The following SH2D4B variants were observed in gnomAD, a reference collection of about 807,000 sequenced individuals.
SH2D4B encodes the protein SH2 domain-containing protein 4B.
In SH2D4B, 45 loss-of-function variants were observed where a neutral mutation model predicts 61.5. The ratio of observed to expected loss-of-function variants is 0.73; its 90% CI spans 0.58 to 0.94. SH2D4B has a LOEUF of 0.94. Among genes scored for constraint, SH2D4B ranks in the 40% least tolerant of loss-of-function variants. The pLI is 0.00. For missense variants in SH2D4B, 572 were observed against 574.2 expected (o/e 1.00, Z 0.04); for synonymous variants, 224 against 220.4 (o/e 1.02, Z -0.14).
chr10:80,615,583 AG>A (rs11314146), intron 6 of SH2D4B, among the ~76,000 whole-genome samples: 3,557 of 152,264 alleles, frequency 0.023, 113 homozygotes, highest in African/African-American at 0.082. Context: ...ACCCAGCTTG[AG>A]GGAAAATCTG....
chr10:80,566,181 C>T (rs1355934159), intron 1 of SH2D4B, among the ~76,000 whole-genome samples: 2 of 151,336 alleles, frequency 1.3e-5, no homozygotes, highest in East Asian at 1.9e-4. Flanking sequence ...GAAGAAGAGC[C>T]CTTTACATGG....
Position 80,600,103 on chromosome 10 carries a change from G to A in SH2D4B, c.644-3476G>A, listed in dbSNP as rs530663481. ...TGTACTGTCCCATTTACATCTCAGAGCAACCCAGTCAGGCCCCCACTTTAT... is the reference window on the plus strand; with the variant it reads ...TGTACTGTCCCATTTACATCTCAGAACAACCCAGTCAGGCCCCCACTTTAT... On this transcript the variant is annotated intron_variant, in intron 4 of 7. Transcript: ENST00000646907. Among the ~76,000 whole-genome samples the A allele has an allele frequency of 2.6e-4, 40 of 152,270 alleles. 1 individual carries two copies. In the Middle Eastern group the frequency reaches 0.01, roughly 39 times the overall value.
intron 7 of SH2D4B, among the ~76,000 whole-genome samples, chr10:80,635,143 G>A (rs1842882136): frequency 6.6e-6 from 1 of 152,210 alleles, no homozygotes; most frequent in African/African-American, 2.4e-5. Context: ...ACTGTGAAGT[G>A]CTTATGGAAA....
At chr10:80,641,733 C>G (rs750161372) in intron 7 of SH2D4B, among the ~76,000 whole-genome samples, 4 of 152,230 alleles carry the variant, frequency 2.6e-5, no homozygotes, top group African/African-American at 9.6e-5. Context: ...TCACTCAGGA[C>G]AGATTCCAGA....
chr10:80,566,020 G>T (rs563525880), intron 1 of SH2D4B, among the ~76,000 whole-genome samples: 1 of 149,642 alleles, frequency 6.7e-6, no homozygotes, highest in Admixed American at 6.7e-5. Flanking sequence ...GAACCCAGGA[G>T]GCGGAGCTTG....
In SH2D4B at chr10:80,564,950, C is replaced by A. The variant is rs201223579; in HGVS notation, c.185-5204C>A. Among the ~76,000 whole-genome samples, 7 of 152,280 alleles carry A rather than the reference C, an allele frequency of 4.6e-5. No individual in the cohort carries two copies. The East Asian group carries it at 1.3e-3, about 29-fold the overall frequency. On this transcript the variant is annotated intron_variant, in intron 1 of 7. Transcript: ENST00000646907. ...GAATCACAGCAGATACAGAGAGACT[C>A]CAGGGATGCCTCATGGTCAGAACAA...
At chr10:80,554,457 T>C (rs762145985) in intron 1 of SH2D4B, among the ~76,000 whole-genome samples, 1 of 151,874 alleles carries the variant, frequency 6.6e-6, no homozygotes, top group African/African-American at 2.4e-5. Context: ...TGTGTGTGTG[T>C]GCTTACATAA....
intron 1 of SH2D4B, among the ~76,000 whole-genome samples, chr10:80,567,958 A>C (rs771482692): frequency 2.0e-5 from 3 of 152,180 alleles, no homozygotes; most frequent in Non-Finnish European, 2.9e-5. Flanking sequence ...CAGTAACAAC[A>C]TCTAAAATTC....
intron 7 of SH2D4B, among the ~76,000 whole-genome samples, chr10:80,640,586 T>C (rs956840070): frequency 3.3e-5 from 5 of 152,232 alleles, no homozygotes; most frequent in African/African-American, 9.6e-5. Flanking sequence ...AAATTGGCTA[T>C]TGAAGCTTGT....
intron 1 of SH2D4B, among the ~76,000 whole-genome samples, chr10:80,550,000 T>C (rs961015991): frequency 7.9e-5 from 12 of 151,700 alleles, no homozygotes; most frequent in African/African-American, 2.9e-4. Flanking sequence ...AATAATTAAT[T>C]GTCAGCTTTG....
At chr10:80,565,774 C>A (rs1210857660) in intron 1 of SH2D4B, among the ~76,000 whole-genome samples, 1 of 152,034 alleles carries the variant, frequency 6.6e-6, no homozygotes. Flanking sequence ...TCATTCCTGG[C>A]AGGAAGAAGA....
chr10:80,547,530 A>T (rs1347705437), intron 1 of SH2D4B, among the ~76,000 whole-genome samples: 1 of 152,100 alleles, frequency 6.6e-6, no homozygotes, highest in Non-Finnish European at 1.5e-5. Context: ...CCTTTCCTGG[A>T]CACTGGGGAC....
At chr10:80,562,747 G>A (rs1437041842) in intron 1 of SH2D4B, among the ~76,000 whole-genome samples, 2 of 152,032 alleles carry the variant, frequency 1.3e-5, no homozygotes, top group Non-Finnish European at 2.9e-5. Context: ...CACCAACAGC[G>A]TAAAAGGCTC....
rs906602932 is a variant in SH2D4B, at chr10:80,538,352, C to T, written c.21C>T (p.His7=). 4.1e-5 allele frequency: 56 copies of T among 1,370,866 alleles called. 1 individual carries two copies. The highest frequency in any genetic ancestry group is 9.0e-5 in the African/African-American group (6 of 66,886). 84.9% of individuals were successfully genotyped at this position (1,370,866 alleles called of 1,614,324 possible). A position where few individuals can be genotyped will look rare whatever the true frequency, so the allele number is the denominator to read the frequency against. Residue 7 remains histidine (H), a synonymous_variant, in exon 1 of 8, where the codon CAC becomes CAT. Transcript: ENST00000646907. This position sits in a 1 kb window ranked among gnomAD's most constrained non-coding sequence, Gnocchi z 4.8. MLQQIL[H]DMYIDPELLA... ...GCATCATGCTGCAGCAGATCCTGCA[C>T]GACATGTACATCGACCCCGAGCTCC...
chr10:80,599,434 G>A (rs1054942107), intron 4 of SH2D4B, among the ~76,000 whole-genome samples: 1 of 152,214 alleles, frequency 6.6e-6, no homozygotes, highest in African/African-American at 2.4e-5. Context: ...GAGCTCCCAT[G>A]TGGCCGATTA....
chr10:80,639,875 C>T (rs930084333), intron 7 of SH2D4B, among the ~76,000 whole-genome samples: 12 of 152,158 alleles, frequency 7.9e-5, no homozygotes, highest in Non-Finnish European at 1.3e-4. Context: ...GCAGTTTCTT[C>T]GTAGCATCGA....
Position 80,603,662 on chromosome 10 carries a change from G to A in SH2D4B, c.727G>A (p.Ala243Thr), listed in dbSNP as rs1383426754. Residue 243 changes from alanine to threonine, a missense_variant, in exon 5 of 8, where the codon GCT becomes ACT. By Grantham distance (58) the Ala-to-Thr change is moderately conservative (BLOSUM62 0). Coordinates refer to ENST00000646907, the MANE Select transcript of SH2D4B (RefSeq NM_001388272.1). ...RDEYRHHSLR[A>T]IQKGTVAGLS... is the part of the protein sequence containing the mutation. ...CGAGTACCGACACCACTCGCTCCGT[G>A]CTATCCAGAAGGGCACGGTCGCTGG... is the stretch of plus-strand genomic sequence containing the variant. The A allele has an allele frequency of 6.2e-7, 1 of 1,608,614 alleles. No homozygotes were observed. Among genetic ancestry groups the A allele is most frequent in the African/African-American group, 1.3e-5 (1 of 74,904 alleles).
chr10:80,566,853 G>A (rs1469220998), intron 1 of SH2D4B, among the ~76,000 whole-genome samples: 1 of 152,120 alleles, frequency 6.6e-6, no homozygotes, highest in African/African-American at 2.4e-5. Flanking sequence ...ATAATTCTAA[G>A]CAGTGGTTGC....
intron 1 of SH2D4B, among the ~76,000 whole-genome samples, chr10:80,568,595 G>A (rs1310339281): frequency 6.6e-6 from 1 of 152,188 alleles, no homozygotes; most frequent in Non-Finnish European, 1.5e-5. Flanking sequence ...TGCAGGTGCT[G>A]TGTGCCCTTC....
Sources: allele counts gnomAD v4.1 joint callset (sites outside exome capture counted in the v4.1 genomes callset), GRCh38; gene constraint gnomAD v4.1.1; non-coding constraint Gnocchi (gnomAD v3.1); transcripts MANE v1.5; gene names NCBI Gene and HGNC (gene_info 2026-07-23, HGNC 2026-07-21).